Variants in GNAL observed in about 807,000 individuals in gnomAD.
The protein encoded by GNAL is G protein subunit alpha L.
GNAL carries 18 observed loss-of-function variants against 55.1 expected under a neutral mutation model. That is an observed-to-expected ratio of 0.33 (90% CI 0.23 to 0.48). The LOEUF (loss-of-function observed/expected upper bound fraction) is 0.48, where lower values mean the gene tolerates loss of function less well. GNAL is among the 20% of genes least tolerant of loss of function. The pLI is 0.99. For missense variants in GNAL, 412 were observed against 614.1 expected (o/e 0.67, Z 3.48); for synonymous variants, 253 against 237.0 (o/e 1.07, Z -0.62).
At chr18:11,702,091 G>A (rs1341198393) in intron 1 of GNAL, 1 of 152,282 alleles carries the variant, frequency 6.6e-6, no homozygotes, top group Admixed American at 6.5e-5. Flanking sequence ...AGCATCTAGA[G>A]GGCGTGATTT....
chr18:11,861,911 C>G (rs2036150781), intron 5 of GNAL, among the ~76,000 whole-genome samples: 2 of 151,832 alleles, frequency 1.3e-5, no homozygotes, highest in Admixed American at 1.3e-4. Context: ...CTCTTGCACA[C>G]CACATACTCG....
At chr18:11,855,834 T>G (rs1302674451) in intron 5 of GNAL, among the ~76,000 whole-genome samples, 2 of 151,826 alleles carry the variant, frequency 1.3e-5, no homozygotes, top group Non-Finnish European at 2.9e-5. Context: ...TAGCCGGGCA[T>G]GGTGGCACAT....
chr18:11,809,980 A>G (rs1035301779), intron 4 of GNAL, among the ~76,000 whole-genome samples: 1 of 152,240 alleles, frequency 6.6e-6, no homozygotes, highest in Non-Finnish European at 1.5e-5. Flanking sequence ...TTTTGTATGT[A>G]TGTGGAAATT....
intron 5 of GNAL, chr18:11,853,335 TCTC>T (rs1219876041): frequency 6.0e-6 from 1 of 167,128 alleles, no homozygotes; most frequent in African/African-American, 2.4e-5. Context: ...CCTGCCATCT[TCTC>T]AGGAATGGCA....
At chr18:11,775,877 T>G (rs954976016) in intron 4 of GNAL, among the ~76,000 whole-genome samples, 4 of 152,208 alleles carry the variant, frequency 2.6e-5, no homozygotes, top group African/African-American at 9.6e-5. Context: ...GAAAAAAGTT[T>G]TATTGCTGAA....
intron 4 of GNAL, among the ~76,000 whole-genome samples, chr18:11,824,267 G>GC (rs765221948): frequency 1.2e-4 from 2 of 17,240 alleles, no homozygotes; most frequent in African/African-American, 1.7e-4. Flanking sequence ...TGAGATGGGG[G>GC]GGGGGTTCAA....
At chr18:11,793,743 G>A (rs1224555374) in intron 4 of GNAL, among the ~76,000 whole-genome samples, 2 of 151,940 alleles carry the variant, frequency 1.3e-5, no homozygotes, top group Admixed American at 1.3e-4. Context: ...GGCCAACATG[G>A]CGAAACTGTG....
At chr18:11,830,631 C>T (rs1249797011) in intron 5 of GNAL, among the ~76,000 whole-genome samples, 1 of 152,038 alleles carries the variant, frequency 6.6e-6, no homozygotes, top group Non-Finnish European at 1.5e-5. Flanking sequence ...TAGGTGTAAA[C>T]CCAAGAGAAT....
At chr18:11,857,565 T>G (rs781204549) in intron 5 of GNAL, 29 of 985,270 alleles carry the variant, frequency 2.9e-5, no homozygotes, top group Non-Finnish European at 3.5e-5. Flanking sequence ...AGGCAGAGAT[T>G]AGAGCATAAA....
chr18:11,791,734 A>G (rs1281976274), intron 4 of GNAL, among the ~76,000 whole-genome samples: 1 of 152,212 alleles, frequency 6.6e-6, no homozygotes, highest in Non-Finnish European at 1.5e-5. Context: ...GATATCTATC[A>G]AGTTTTCTGC....
intron 4 of GNAL, among the ~76,000 whole-genome samples, chr18:11,772,158 T>C (rs1403928027): frequency 6.6e-6 from 1 of 152,204 alleles, no homozygotes; most frequent in Non-Finnish European, 1.5e-5. Flanking sequence ...TGTAAAATTT[T>C]ATGGTATGAA....
At chr18:11,853,290 G>C (rs1008934534) in intron 5 of GNAL, 5 of 167,106 alleles carry the variant, frequency 3.0e-5, no homozygotes, top group Non-Finnish European at 7.3e-5. Context: ...GAAGGAGAAA[G>C]CTTGAGTCTT....
In GNAL at chr18:11,771,889, G is replaced by GT. The variant is rs570018748; in HGVS notation, c.624+17952dup. On this transcript the variant is annotated intron_variant, in intron 4 of 11. Coordinates refer to ENST00000334049, the MANE Select transcript of GNAL (RefSeq NM_182978.4). ...GACACCATGCCTGGCTAATTTTTTTGTTTTTTTTAGTAGTAGAGATCAGGT... is the reference window on the plus strand; with the variant it reads ...GACACCATGCCTGGCTAATTTTTTTGTTTTTTTTTAGTAGTAGAGATCAGGT... Among the ~76,000 whole-genome samples the GT allele has an allele frequency of 3.6e-4, 54 of 151,772 alleles. No individual in the cohort carries two copies. In the East Asian group the frequency reaches 3.9e-3, roughly 11 times the overall value.
rs945874487 is a variant in GNAL at position 11,752,702 on chromosome 18, A to G, written c.377-151A>G. The G allele has an allele frequency of 4.1e-6, 5 of 1,219,632 alleles. No individual in the cohort carries two copies. The African/African-American group carries it at 6.2e-5, about 15-fold the overall frequency. The allele number at this position is 1,219,632 out of a possible 1,614,324, so 75.6% of individuals were successfully genotyped here. A position where few individuals can be genotyped will look rare whatever the true frequency, so the allele number is the denominator to read the frequency against. On this transcript the variant is annotated intron_variant, in intron 1 of 11. Transcript: ENST00000334049. The surrounding 1 kb of genome is among the most constrained non-coding windows in gnomAD (Gnocchi z 4.5). Reference sequence around the variant, plus strand: ...CGCGCACCTCTGGGCCGCGGAGCCCAGACGGCGGCCGGGGCGAGCTCCTCC... The same window carrying G: ...CGCGCACCTCTGGGCCGCGGAGCCCGGACGGCGGCCGGGGCGAGCTCCTCC...
At chr18:11,735,114 G>A (rs1334295302) in intron 1 of GNAL, among the ~76,000 whole-genome samples, 3 of 151,468 alleles carry the variant, frequency 2.0e-5, no homozygotes, top group Admixed American at 6.6e-5. Flanking sequence ...GCAATGGCAC[G>A]ATCTTGGCTC....
At chr18:11,850,812 C>T (rs749256511) in intron 5 of GNAL, among the ~76,000 whole-genome samples, 43 of 152,236 alleles carry the variant, frequency 2.8e-4, no homozygotes, top group Middle Eastern at 3.4e-3. Flanking sequence ...TTTGGTGGTG[C>T]CACAGTTTTG....
At chr18:11,791,328 C>T (rs537311006) in intron 4 of GNAL, among the ~76,000 whole-genome samples, 3 of 152,280 alleles carry the variant, frequency 2.0e-5, no homozygotes, top group South Asian at 2.1e-4. Context: ...GAATGGGAAC[C>T]GCTAGGTGTT....
intron 4 of GNAL, among the ~76,000 whole-genome samples, chr18:11,762,181 T>G (rs1479458115): frequency 6.6e-6 from 1 of 152,168 alleles, no homozygotes; most frequent in African/African-American, 2.4e-5. Context: ...AGCTTCCCAG[T>G]AGTTGGCGAA....
chr18:11,869,579 T>C (rs2036347033), intron 9 of GNAL, among the ~76,000 whole-genome samples: 1 of 152,202 alleles, frequency 6.6e-6, no homozygotes, highest in East Asian at 1.9e-4. Context: ...AACCACAGAT[T>C]GAAAATATTC....
Sources: allele counts gnomAD v4.1 joint callset (sites outside exome capture counted in the v4.1 genomes callset), GRCh38; gene constraint gnomAD v4.1.1; non-coding constraint Gnocchi (gnomAD v3.1); transcripts MANE v1.5; gene names NCBI Gene and HGNC (gene_info 2026-07-23, HGNC 2026-07-21).